Variants in ZFYVE9 observed in about 807,000 individuals in gnomAD.
ZFYVE9 encodes the protein zinc finger FYVE domain-containing protein 9.
ZFYVE9 carries 43 observed loss-of-function variants against 126.7 expected under a neutral mutation model. The observed-to-expected ratio is 0.34, with a 90% CI of 0.27 to 0.44. The LOEUF is 0.44. Ranked by LOEUF, ZFYVE9 falls within the 20% of genes least tolerant of loss-of-function variation. The probability of loss-of-function intolerance (pLI) is 1.00; values close to 1 mark genes in which losing one functional copy is unlikely to be tolerated. For synonymous variants in ZFYVE9, 521 were observed against 597.4 expected (o/e 0.87, Z 1.87); for missense variants, 1,476 against 1,697.0 (o/e 0.87, Z 2.29).
intron 13 of ZFYVE9, among the ~76,000 whole-genome samples, chr1:52,319,099 A>G (rs1569747366): frequency 6.6e-6 from 1 of 152,328 alleles, no homozygotes; most frequent in East Asian, 1.9e-4. Context: ...CCTGTCTCAA[A>G]GAAAAAACCA....
chr1:52,199,141 C>T (rs1644898686), intron 1 of ZFYVE9, among the ~76,000 whole-genome samples: 1 of 151,762 alleles, frequency 6.6e-6, no homozygotes, highest in South Asian at 2.1e-4. Context: ...TCTCGACTCA[C>T]TGCAAGCTCC....
At chr1:52,149,848 T>G (rs1467036069) in intron 1 of ZFYVE9, among the ~76,000 whole-genome samples, 1 of 152,198 alleles carries the variant, frequency 6.6e-6, no homozygotes, top group African/African-American at 2.4e-5. Context: ...ATCTTTTAGT[T>G]CCTTTGGATG....
At chr1:52,161,149 A>G (rs1223017057) in intron 1 of ZFYVE9, among the ~76,000 whole-genome samples, 4 of 152,208 alleles carry the variant, frequency 2.6e-5, no homozygotes, top group African/African-American at 7.2e-5. Context: ...TAGTTCCAAT[A>G]CCAAAATTTC....
intron 2 of ZFYVE9, among the ~76,000 whole-genome samples, chr1:52,228,549 C>CT (rs1456128747): frequency 1.3e-5 from 2 of 152,154 alleles, no homozygotes; most frequent in African/African-American, 2.4e-5. Flanking sequence ...TTTTGCACAC[C>CT]TTTCTTCCCT....
intron 10 of ZFYVE9, among the ~76,000 whole-genome samples, chr1:52,292,692 G>A (rs1178054004): frequency 4.0e-5 from 6 of 151,704 alleles, no homozygotes; most frequent in Non-Finnish European, 7.4e-5. Flanking sequence ...GGCTGGTCTC[G>A]AACTCTGACC....
intron 1 of ZFYVE9, among the ~76,000 whole-genome samples, chr1:52,158,063 T>C (rs1019587292): frequency 2.0e-5 from 3 of 152,214 alleles, no homozygotes; most frequent in Non-Finnish European, 4.4e-5. Flanking sequence ...GGCCATCATT[T>C]TCTCCAGGCT....
intron 7 of ZFYVE9, among the ~76,000 whole-genome samples, chr1:52,272,937 C>T (rs1031593532): frequency 5.3e-5 from 8 of 152,048 alleles, no homozygotes; most frequent in Non-Finnish European, 8.8e-5. Flanking sequence ...GCTGGGATTA[C>T]GGGCGTGAGC....
intron 1 of ZFYVE9, among the ~76,000 whole-genome samples, chr1:52,204,222 C>T (rs568467422): frequency 1.4e-4 from 22 of 151,986 alleles, no homozygotes; most frequent in Non-Finnish European, 2.8e-4. Flanking sequence ...TATAGTTCTA[C>T]GATTAAGTCT....
chr1:52,278,593 T>C lies in ZFYVE9; in HGVS notation c.2848T>C (p.Ser950Pro). The part of the protein sequence containing the change: ...LVFVLNANLL[S>P]MVKIVNYVNR... Reference sequence around the variant, plus strand: ...ATTTGTTTTAAATGCAAATTTGTTGTCAATGGTTAAAATTGTAAATTGTAA... The same window carrying C: ...ATTTGTTTTAAATGCAAATTTGTTGCCAATGGTTAAAATTGTAAATTGTAA... The change falls in exon 9 of 19, where the codon TCA (serine) becomes CCA (proline). Residue 950 changes from serine to proline, a missense_variant. By Grantham distance (74) the Ser-to-Pro change is moderately conservative. This residue lies in a region of ZFYVE9 where 669 missense variants were observed against 902.4 expected (regional missense o/e 0.74). Transcript: ENST00000287727. The C allele has an allele frequency of 6.3e-7, 1 of 1,587,258 alleles. No individual in the cohort carries two copies. The highest frequency in any genetic ancestry group is 8.6e-7 in the Non-Finnish European group (1 of 1,163,134).
chr1:52,171,762 A>AT (rs1557436319), intron 1 of ZFYVE9, among the ~76,000 whole-genome samples: 2 of 151,982 alleles, frequency 1.3e-5, no homozygotes, highest in African/African-American at 2.4e-5. Flanking sequence ...GATGATGAGC[A>AT]TTTTTTCATG....
intron 13 of ZFYVE9, among the ~76,000 whole-genome samples, chr1:52,322,860 A>G (rs1646254761): frequency 1.3e-5 from 2 of 151,956 alleles, no homozygotes; most frequent in Non-Finnish European, 2.9e-5. Flanking sequence ...GCTGGAGTGC[A>G]GTGGCGCGAT....
In ZFYVE9 at chr1:52,285,936, C is replaced by T. The variant is rs538221127; in HGVS notation, c.3025+4120C>T. Among the ~76,000 whole-genome samples the T allele has an allele frequency of 3.3e-5, 5 of 152,272 alleles. No homozygotes were observed. The South Asian group carries it at 8.3e-4, about 25-fold the overall frequency. On this transcript the variant is annotated intron_variant, in intron 10 of 18. Transcript: ENST00000287727. Reference sequence around the variant, plus strand: ...TTGGCAGGCCAAGCCGGGTGGATCACCTTAGCTCAGGAGTTCAAGACCATC... The same window carrying T: ...TTGGCAGGCCAAGCCGGGTGGATCATCTTAGCTCAGGAGTTCAAGACCATC...
chr1:52,292,826 A>C (rs1311019586), intron 10 of ZFYVE9, among the ~76,000 whole-genome samples: 1 of 152,096 alleles, frequency 6.6e-6, no homozygotes, highest in African/African-American at 2.4e-5. Context: ...AAAGCAATTC[A>C]TACAGTAAAG....
rs955449878 is a variant in ZFYVE9, at chr1:52,161,720, T to C, written c.-143+19317T>C. On this transcript the variant is annotated intron_variant, in intron 1 of 18. Coordinates refer to ENST00000287727, the MANE Select transcript of ZFYVE9 (RefSeq NM_004799.4). ...AAAAGAAATGTCCAAGTATTTTCTT[T>C]TATAGCTTCAAACTTTCTGCACCTA... 3.3e-5 allele frequency among the ~76,000 whole-genome samples: 5 copies of C among 152,192 alleles called. No individual in the cohort carries two copies. In the East Asian group the frequency reaches 9.6e-4, roughly 29 times the overall value.
At chr1:52,271,749 T>G (rs762301713) in intron 7 of ZFYVE9, among the ~76,000 whole-genome samples, 3 of 152,332 alleles carry the variant, frequency 2.0e-5, no homozygotes, top group South Asian at 2.1e-4. Context: ...CCGGAAAATT[T>G]TAGAAATCCC....
At chr1:52,219,750 TG>T (rs1241209887) in intron 2 of ZFYVE9, among the ~76,000 whole-genome samples, 864 of 7,450 alleles carry the variant, frequency 0.12, 13 homozygotes, top group African/African-American at 0.31. Flanking sequence ...CAAGATCTTT[TG>T]TGTGTGTGTG....
intron 16 of ZFYVE9, among the ~76,000 whole-genome samples, chr1:52,338,726 A>G (rs1646410589): frequency 6.6e-6 from 1 of 152,166 alleles, no homozygotes; most frequent in African/African-American, 2.4e-5. Flanking sequence ...ATACATAGAG[A>G]TTTGGCCGGG....
intron 1 of ZFYVE9, among the ~76,000 whole-genome samples, chr1:52,195,565 T>C (rs890561045): frequency 2.0e-5 from 3 of 152,164 alleles, no homozygotes; most frequent in African/African-American, 7.2e-5. Flanking sequence ...TTTAGGATTG[T>C]AAAGAAAAGT....
rs901637362 is a variant in ZFYVE9 at position 52,142,695 on chromosome 1, AT to A, written c.-143+293del. ...GAGCACGGCCGCCTTTCGGGTTTGC[AT>A]GGGCCCGGGCCGAGCGCAGCCTCTT... On this transcript the variant is annotated intron_variant, in intron 1 of 18. Transcript: ENST00000287727. The surrounding 1 kb of genome is among the most constrained non-coding windows in gnomAD (Gnocchi z 4.5). Among the ~76,000 whole-genome samples, 1 of 152,014 alleles carries A rather than the reference AT, an allele frequency of 6.6e-6. No individual in the cohort carries two copies. The highest frequency in any genetic ancestry group is 6.5e-5 in the Admixed American group (1 of 15,282).
Sources: gnomAD v4.1 joint callset for allele counts (sites outside exome capture counted in the v4.1 genomes callset) on GRCh38, gnomAD v4.1.1 for gene constraint, gnomAD v4.1.1 regional missense constraint, Gnocchi (gnomAD v3.1) non-coding constraint, MANE v1.5 for transcripts, NCBI Gene and HGNC (gene_info 2026-07-23, HGNC 2026-07-21) for gene names.